Variants in WIPI1 observed in about 807,000 individuals in gnomAD.
WIPI1 encodes the protein WD repeat domain, phosphoinositide interacting 1.
Under a neutral mutation model 55.3 loss-of-function variants are expected in WIPI1, and 45 were observed. That is an observed-to-expected ratio of 0.81 (90% CI 0.64 to 1.04). The LOEUF is 1.04. Among genes scored for constraint, WIPI1 ranks in the 50% least tolerant of loss-of-function variants. The probability of loss-of-function intolerance (pLI) is 0.00; values close to 1 mark genes in which losing one functional copy is unlikely to be tolerated. For missense variants in WIPI1, 445 were observed against 559.0 expected (o/e 0.80, Z 2.06); for synonymous variants, 195 against 217.6 (o/e 0.90, Z 0.92).
intron 5 of WIPI1, among the ~76,000 whole-genome samples, chr17:68,435,946 G>A (rs576162085): frequency 5.9e-5 from 9 of 152,366 alleles, no homozygotes; most frequent in African/African-American, 2.2e-4. Context: ...AGGTGGCCAC[G>A]AACGGAGCAC....
chr17:68,441,728 G>GT (rs778122759), intron 4 of WIPI1, among the ~76,000 whole-genome samples: 10 of 152,202 alleles, frequency 6.6e-5, no homozygotes, highest in Non-Finnish European at 1.5e-4. Flanking sequence ...ACAACCTCAG[G>GT]TAACGCTCTC....
intron 4 of WIPI1, among the ~76,000 whole-genome samples, chr17:68,438,656 A>G (rs1358204813): frequency 6.6e-6 from 1 of 152,244 alleles, no homozygotes; most frequent in Non-Finnish European, 1.5e-5. Context: ...GCTGCAGTGC[A>G]GTGGTGCGAT....
At chr17:68,422,646 T>C (rs2082874637) in intron 12 of WIPI1, 3 of 149,458 alleles carry the variant, frequency 2.0e-5, no homozygotes. Context: ...CTAGAATCAC[T>C]TGAACCTAGG....
At chr17:68,429,052 C>G in intron 9 of WIPI1, 116 bp from the exon 10 acceptor site, 1 of 731,974 alleles carries the variant, frequency 1.4e-6, no homozygotes, top group Non-Finnish European at 2.3e-6. Flanking sequence ...TTGACAAACC[C>G]TTAGCCCACT....
intron 7 of WIPI1, among the ~76,000 whole-genome samples, chr17:68,433,837 C>T (rs562657003): frequency 1.6e-5 from 2 of 123,566 alleles, no homozygotes; most frequent in South Asian, 2.8e-4. Context: ...GGCTGGAGTA[C>T]GGTGGCTTGA....
Position 68,423,203 on chromosome 17 carries a change from A to T in WIPI1, c.1294-1383T>A, listed in dbSNP as rs886521108. Among the ~76,000 whole-genome samples the T allele has an allele frequency of 6.6e-6, 1 of 152,208 alleles. No individual in the cohort carries two copies. Among genetic ancestry groups the T allele is most frequent in the African/African-American group, 2.4e-5 (1 of 41,452 alleles). ...GTAAAGATGTGAATTCTGCACAGAGATTTGCAATAGGCATGACAATTCAGA... is the reference window on the plus strand; with the variant it reads ...GTAAAGATGTGAATTCTGCACAGAGTTTTGCAATAGGCATGACAATTCAGA... On this transcript the variant is annotated intron_variant, in intron 12 of 12. Transcript: ENST00000262139. This position sits in a 1 kb window ranked among gnomAD's most constrained non-coding sequence, Gnocchi z 4.4.
At position 68,423,304 on chromosome 17, in the gene WIPI1, C is replaced by T. The variant is rs1403592788; in HGVS notation, c.1294-1484G>A. 1.3e-5 allele frequency among the ~76,000 whole-genome samples: 2 copies of T among 152,282 alleles called. No homozygotes were observed. The highest frequency in any genetic ancestry group is 3.9e-4 in the East Asian group (2 of 5,180). On this transcript the variant is annotated intron_variant, in intron 12 of 12. Coordinates refer to ENST00000262139, the MANE Select transcript of WIPI1 (RefSeq NM_017983.7). The surrounding 1 kb of genome is among the most constrained non-coding windows in gnomAD (Gnocchi z 4.4). ...CCAATTCAGGCATGACTGAGATGGG[C>T]CATATTGATAGAGCATCCCAGGAGC... is the stretch of plus-strand genomic sequence containing the variant.
At chr17:68,425,917 A>G (rs925165286) in intron 12 of WIPI1, 158 bp downstream of exon 12, 21 of 632,234 alleles carry the variant, frequency 3.3e-5, no homozygotes, top group Non-Finnish European at 5.2e-5. Context: ...CGAAGCACAC[A>G]GTACAACAAA....
At position 68,444,601 on chromosome 17, in the gene WIPI1, C is replaced by A; in HGVS notation, c.334-12G>T. On this transcript the variant is annotated splice_polypyrimidine_tract_variant and intron_variant, in intron 3 of 12. Coordinates refer to ENST00000262139, the MANE Select transcript of WIPI1 (RefSeq NM_017983.7). ...CAAACCAGCAGCCTCTGTAATCACACAGACTTATCAGTCTACCGAACCGTT... is the reference window on the plus strand; with the variant it reads ...CAAACCAGCAGCCTCTGTAATCACAAAGACTTATCAGTCTACCGAACCGTT... 1 of 1,606,530 alleles carries A rather than the reference C, an allele frequency of 6.2e-7. No individual in the cohort carries two copies. Among genetic ancestry groups the A allele is most frequent in the Middle Eastern group, 1.7e-4 (1 of 6,014 alleles).
chr17:68,438,225 C>A (rs908916365), intron 4 of WIPI1, among the ~76,000 whole-genome samples: 28 of 149,680 alleles, frequency 1.9e-4, no homozygotes, highest in African/African-American at 6.8e-4. Context: ...AGCCCCGGAA[C>A]CTTTAACTGC....
At position 68,427,164 on chromosome 17, in the gene WIPI1, G is replaced by C. The variant is rs1157839958; in HGVS notation, c.1163C>G (p.Pro388Arg). 2 of 1,614,078 alleles carry C rather than the reference G, an allele frequency of 1.2e-6. No individual in the cohort carries two copies. The highest frequency in any genetic ancestry group is 1.1e-5 in the South Asian group (1 of 91,078). The change falls in exon 11 of 13, where the codon CCA (proline) becomes CGA (arginine). Residue 388 changes from proline (P) to arginine (R), a missense_variant. By Grantham distance (103) the Pro-to-Arg change is moderately radical. Coordinates refer to ENST00000262139, the MANE Select transcript of WIPI1 (RefSeq NM_017983.7). Reference sequence around the variant, plus strand: ...CACCGTGGAGGCTGAAGATGCACTTGGTCTGGCTACGGTCGCTGCATAAGA... The same window carrying C: ...CACCGTGGAGGCTGAAGATGCACTTCGTCTGGCTACGGTCGCTGCATAAGA... ...PQSYAATVAR[P>R]SASSASTVPG...
Position 68,433,550 on chromosome 17 carries a change from A to C in WIPI1, c.718T>G (p.Phe240Val). ...KRYVTISSLV[F>V]SMDSQFLCAS... Reference sequence around the variant, plus strand: ...CAGAGGAATTGTGAATCCATACTGAACACTAGAGAGCTGATTGTCACATAC... The same window carrying C: ...CAGAGGAATTGTGAATCCATACTGACCACTAGAGAGCTGATTGTCACATAC... Residue 240 changes from phenylalanine to valine, a missense_variant, in exon 8 of 13, where the codon TTC (phenylalanine) becomes GTC (valine). Coordinates refer to ENST00000262139, the MANE Select transcript of WIPI1 (RefSeq NM_017983.7). 6.2e-7 allele frequency: 1 copy of C among 1,613,788 alleles called. No homozygotes were observed. Among genetic ancestry groups the C allele is most frequent in the South Asian group, 1.1e-5 (1 of 91,064 alleles).
chr17:68,428,907 G>A lies in WIPI1; in HGVS notation c.995C>T (p.Ala332Val), dbSNP rs1568626256. ...CATATAAAGGTGTCCACTGGATGAC[G>A]CAACTAGCAGCCGTGGCAACTTCTG... ...TIQKLPRLLVASSSGHLYMYN... is the reference protein window; with the variant it reads ...TIQKLPRLLVVSSSGHLYMYN... Residue 332 changes from alanine to valine, a missense_variant, in exon 10 of 13, where the codon GCG becomes GTG. By Grantham distance (64) the Ala-to-Val change is moderately conservative (BLOSUM62 0). Coordinates refer to ENST00000262139, the MANE Select transcript of WIPI1 (RefSeq NM_017983.7). 8.7e-6 allele frequency: 14 copies of A among 1,613,898 alleles called. No homozygotes were observed. Among genetic ancestry groups the A allele is most frequent in the Middle Eastern group, 1.6e-4 (1 of 6,080 alleles).
Position 68,436,443 on chromosome 17 carries a change from T to A in WIPI1, c.467A>T (p.Tyr156Phe). 6.2e-7 allele frequency: 1 copy of A among 1,613,848 alleles called. No homozygotes were observed. Among genetic ancestry groups the A allele is most frequent in the Non-Finnish European group, 8.5e-7 (1 of 1,179,926 alleles). The change falls in exon 5 of 13, where the codon TAC becomes TTC. Residue 156 changes from tyrosine to phenylalanine, a missense_variant. Tyr to Phe is a conservative substitution (Grantham distance 22, BLOSUM62 3). Transcript: ENST00000262139. ...AGTCAGGCTTCCAGGATAGGCCAGGTAAGAATTGGAATGGTTGATAGAGAG... is the reference window on the plus strand; with the variant it reads ...AGTCAGGCTTCCAGGATAGGCCAGGAAAGAATTGGAATGGTTGATAGAGAG... ...CALSINHSNSYLAYPGSLTSG... is the reference protein window; with the variant it reads ...CALSINHSNSFLAYPGSLTSG...
intron 11 of WIPI1, 75 bp downstream of exon 11, chr17:68,427,060 G>C: frequency 8.0e-7 from 1 of 1,247,436 alleles, no homozygotes; most frequent in Non-Finnish European, 1.2e-6. Flanking sequence ...AGGGGGAAGG[G>C]GAGGGAGCGT....
At chr17:68,424,377 G>C in intron 12 of WIPI1, 7 of 521,368 alleles carry the variant, frequency 1.3e-5, no homozygotes, top group Non-Finnish European at 2.4e-5. Context: ...TGTTTTCTAA[G>C]CCAAATGTGC....
chr17:68,450,424 G>A (rs1600380660), intron 3 of WIPI1, among the ~76,000 whole-genome samples: 2 of 152,300 alleles, frequency 1.3e-5, no homozygotes, highest in Admixed American at 1.3e-4. Flanking sequence ...TCATGGGACT[G>A]TCCAAGCCAG....
chr17:68,425,908 G>A (rs1406677280), intron 12 of WIPI1, 167 bp downstream of exon 12: 15 of 611,746 alleles, frequency 2.5e-5, no homozygotes, highest in African/African-American at 1.7e-4. Flanking sequence ...TGTAGGATTC[G>A]AAGCACACAG....
intron 3 of WIPI1, among the ~76,000 whole-genome samples, chr17:68,446,753 A>G (rs2084301945): frequency 6.6e-6 from 1 of 152,260 alleles, no homozygotes; most frequent in Non-Finnish European, 1.5e-5. Flanking sequence ...GCCTTGACAT[A>G]TGCCTCTCCT....
Sources: gnomAD v4.1 joint callset for allele counts (sites outside exome capture counted in the v4.1 genomes callset) on GRCh38, gnomAD v4.1.1 for gene constraint, Gnocchi (gnomAD v3.1) non-coding constraint, MANE v1.5 for transcripts, NCBI Gene and HGNC (gene_info 2026-07-23, HGNC 2026-07-21) for gene names.